The following ATP8B1 variants were observed in gnomAD, a reference collection of about 807,000 sequenced individuals.
The protein encoded by ATP8B1 is ATPase phospholipid transporting 8B1.
Under a neutral mutation model 149.9 loss-of-function variants are expected in ATP8B1, and 80 were observed. The observed-to-expected ratio is 0.53, with a 90% CI of 0.45 to 0.64. ATP8B1 has a LOEUF of 0.64. Among genes scored for constraint, ATP8B1 ranks in the 30% least tolerant of loss-of-function variants. ATP8B1 has a pLI of 0.00. For missense variants in ATP8B1, 1,247 were observed against 1,552.6 expected, an observed-to-expected ratio of 0.80 and a Z score of 3.31; for synonymous variants, 536 against 562.8, an observed-to-expected ratio of 0.95 and a Z score of 0.67.
At chr18:57,772,650 A>G (rs1368676871) in intron 1 of ATP8B1, among the ~76,000 whole-genome samples, 2 of 152,152 alleles carry the variant, frequency 1.3e-5, no homozygotes, top group Non-Finnish European at 2.9e-5. Flanking sequence ...CGTGGCAGGT[A>G]TTCAGTCAGC....
intron 17 of ATP8B1, among the ~76,000 whole-genome samples, chr18:57,670,328 ATTTTCTTTTT>A (rs1380491802): frequency 2.7e-5 from 4 of 147,588 alleles, no homozygotes; most frequent in Non-Finnish European, 6.0e-5. Context: ...CGATTCAAAC[ATTTTCTTTTT>A]TTTTCTTTTT....
At chr18:57,768,449 T>C (rs542610273) in intron 1 of ATP8B1, among the ~76,000 whole-genome samples, 7 of 147,230 alleles carry the variant, frequency 4.8e-5, no homozygotes, top group South Asian at 2.2e-4. Flanking sequence ...TTTCTTAAGC[T>C]ACTAAGAAGA....
At chr18:57,713,969 A>G (rs1251702963) in intron 2 of ATP8B1, among the ~76,000 whole-genome samples, 6 of 152,046 alleles carry the variant, frequency 3.9e-5, no homozygotes, top group Admixed American at 3.9e-4. Context: ...GGGGTAAAGC[A>G]ACAAATAGAG....
chr18:57,769,585 AAC>A (rs1386387778), intron 1 of ATP8B1, among the ~76,000 whole-genome samples: 35 of 152,182 alleles, frequency 2.3e-4, no homozygotes, highest in Admixed American at 2.3e-3. Context: ...AATTCATGAA[AAC>A]ACACACACTT....
intron 8 of ATP8B1, among the ~76,000 whole-genome samples, 186 bp downstream of exon 8, chr18:57,697,432 G>A (rs1484040829): frequency 6.6e-6 from 1 of 152,068 alleles, no homozygotes; most frequent in African/African-American, 2.4e-5. Flanking sequence ...TCCCTGAGAG[G>A]TGGAGAAACG....
At chr18:57,708,134 G>A (rs1410200183) in intron 2 of ATP8B1, among the ~76,000 whole-genome samples, 3 of 142,978 alleles carry the variant, frequency 2.1e-5, no homozygotes, top group Middle Eastern at 3.6e-3. Context: ...CTCCAGCCTG[G>A]GCGACAGACG....
chr18:57,700,945 A>T (rs1599131581), intron 6 of ATP8B1, 94 bp downstream of exon 6: 2 of 1,284,012 alleles, frequency 1.6e-6, no homozygotes, highest in Non-Finnish European at 2.3e-6. Context: ...ATGTACTAAT[A>T]GCCTTCTACA....
In ATP8B1 at chr18:57,662,627, C is replaced by T; in HGVS notation, c.2286-12G>A. 1.2e-6 allele frequency: 2 copies of T among 1,613,986 alleles called. No individual in the cohort carries two copies. Among genetic ancestry groups the T allele is most frequent in the Non-Finnish European group, 1.7e-6 (2 of 1,179,908 alleles). On this transcript the variant is annotated splice_polypyrimidine_tract_variant and intron_variant, in intron 20 of 27. Transcript: ENST00000648908. ...CATGAAGAAGAGAACTAGGGGAAAC[C>T]AAATTTCAGTGTTTAAAGTGTAAGA...
chr18:57,752,903 A>C (rs1373502339), intron 1 of ATP8B1, among the ~76,000 whole-genome samples: 3 of 152,234 alleles, frequency 2.0e-5, no homozygotes, highest in Non-Finnish European at 2.9e-5. Context: ...TCAGAGTTCA[A>C]GGCTGTATCC....
chr18:57,762,818 T>C lies in ATP8B1; in HGVS notation c.-25-30986A>G, dbSNP rs149258052. On this transcript the variant is annotated intron_variant, in intron 1 of 27. Coordinates refer to ENST00000648908, the MANE Select transcript of ATP8B1 (RefSeq NM_001374385.1). ...TCTGTTACTTAAACTACCAAACCCA[T>C]TATCTCCTGATGAAGCAATGTGCTT... is the stretch of plus-strand genomic sequence containing the variant. Among the ~76,000 whole-genome samples, 338 of 152,350 alleles carry C rather than the reference T, an allele frequency of 2.2e-3. 2 individuals carry two copies. Among genetic ancestry groups the C allele is most frequent in the African/African-American group, 7.9e-3 (330 of 41,586 alleles).
chr18:57,688,223 G>A (rs1599117287), intron 13 of ATP8B1, 76 bp downstream of exon 13: 5 of 1,471,348 alleles, frequency 3.4e-6, no homozygotes, highest in Non-Finnish European at 4.7e-6. Context: ...CAGGAGACAG[G>A]CTATAGTCCA....
Position 57,688,281 on chromosome 18 carries a change from GTGAC to G in ATP8B1, c.1429+14_1429+17del. The stretch of plus-strand genomic sequence containing the variant: ...GCAGCCCCACTCACCCAGAAAATGA[GTGAC>G]GGCTTCCACTTACCATATATCTGCC... On this transcript the variant is annotated intron_variant, in intron 13 of 27. Coordinates refer to ENST00000648908, the MANE Select transcript of ATP8B1 (RefSeq NM_001374385.1). The G allele has an allele frequency of 6.2e-7, 1 of 1,611,690 alleles. No homozygotes were observed. Among genetic ancestry groups the G allele is most frequent in the Non-Finnish European group, 8.5e-7 (1 of 1,178,266 alleles).
chr18:57,748,912 G>A (rs954883924), intron 1 of ATP8B1, among the ~76,000 whole-genome samples: 6 of 152,200 alleles, frequency 3.9e-5, no homozygotes, highest in Non-Finnish European at 8.8e-5. Context: ...CCAGGCTGCT[G>A]AACTAGGGAT....
chr18:57,776,018 C>T (rs183892535), intron 1 of ATP8B1, among the ~76,000 whole-genome samples: 1 of 152,184 alleles, frequency 6.6e-6, no homozygotes, highest in African/African-American at 2.4e-5. Flanking sequence ...GTAATGATGC[C>T]AGGATAAGGA....
intron 13 of ATP8B1, among the ~76,000 whole-genome samples, chr18:57,686,334 AT>A (rs993426036): frequency 2.0e-5 from 3 of 151,592 alleles, no homozygotes; most frequent in Non-Finnish European, 4.4e-5. Context: ...ATATTAACCG[AT>A]TTTTTGTTTG....
intron 2 of ATP8B1, among the ~76,000 whole-genome samples, chr18:57,716,425 A>G (rs1023939067): frequency 8.5e-5 from 13 of 152,180 alleles, no homozygotes; most frequent in Non-Finnish European, 1.5e-4. Flanking sequence ...TTTAAAAAAA[A>G]AAAAGACCCA....
intron 1 of ATP8B1, among the ~76,000 whole-genome samples, chr18:57,796,090 C>G (rs530139350): frequency 6.6e-6 from 1 of 152,234 alleles, no homozygotes; most frequent in East Asian, 1.9e-4. Context: ...ATCACTTGAA[C>G]CCAGGAGGCA....
At chr18:57,769,956 G>A (rs973984100) in intron 1 of ATP8B1, among the ~76,000 whole-genome samples, 4 of 152,108 alleles carry the variant, frequency 2.6e-5, no homozygotes, top group African/African-American at 9.7e-5. Flanking sequence ...AAGACACTGA[G>A]GTCAAGAAAC....
intron 2 of ATP8B1, among the ~76,000 whole-genome samples, chr18:57,725,686 C>G (rs1259431356): frequency 6.6e-6 from 1 of 152,134 alleles, no homozygotes; most frequent in Admixed American, 6.5e-5. Context: ...AACAGACACA[C>G]AGATCAATGG....
Sources: allele counts gnomAD v4.1 joint callset (sites outside exome capture counted in the v4.1 genomes callset), GRCh38; gene constraint gnomAD v4.1.1; transcripts MANE v1.5; gene names NCBI Gene and HGNC (gene_info 2026-07-23, HGNC 2026-07-21).